PRSS56: variants seen among roughly 807,000 people sequenced by gnomAD.
The protein encoded by PRSS56 is serine protease 56, also known as protease, serine 56.
Under a neutral mutation model 66.8 loss-of-function variants are expected in PRSS56, and 55 were observed. The observed-to-expected ratio is 0.82, with a 90% CI of 0.66 to 1.03. PRSS56 has a LOEUF of 1.03. Among genes scored for constraint, PRSS56 ranks in the 50% least tolerant of loss-of-function variants. The pLI is 0.00. For synonymous variants in PRSS56, 409 were observed against 387.9 expected, an observed-to-expected ratio of 1.05 and a Z score of -0.64; for missense variants, 869 against 837.2, an observed-to-expected ratio of 1.04 and a Z score of -0.47.
Position 232,522,049 on chromosome 2 carries a change from C to G in PRSS56, c.335C>G (p.Pro112Arg). 6.7e-7 allele frequency: 1 copy of G among 1,489,768 alleles called. No homozygotes were observed. The highest frequency in any genetic ancestry group is 2.6e-5 in the East Asian group (1 of 38,706). The allele number at this position is 1,489,768 out of a possible 1,614,324, so 92.3% of individuals were successfully genotyped here. Residue 112 changes from proline to arginine, a missense_variant, in exon 4 of 13, where the codon CCG becomes CGG. Physicochemically the swap from Pro to Arg is moderately radical, Grantham distance 103 (BLOSUM62 -2). This residue lies in a region of PRSS56 where 315 missense variants were observed against 313.7 expected (regional missense o/e 1.00). Transcript: ENST00000617714. ...HGRIVGGSAA[P>R]PGAWPWLVRL... ...CGCATCGTGGGGGGCAGCGCGGCGC[C>G]GCCCGGGGCCTGGCCCTGGCTGGTG...
Position 232,523,115 on chromosome 2 carries a change from C to T in PRSS56, c.762C>T (p.Asp254=). 2.0e-6 allele frequency: 3 copies of T among 1,534,958 alleles called. No individual in the cohort carries two copies. Among genetic ancestry groups the T allele is most frequent in the Non-Finnish European group, 1.7e-6 (2 of 1,146,266 alleles). Reference sequence around the variant, plus strand: ...CCCGTGTTCCCCTGCTCAGCACCGACACCTGCCGAAGAGCCCTGGGGCCCG... The same window carrying T: ...CCCGTGTTCCCCTGCTCAGCACCGATACCTGCCGAAGAGCCCTGGGGCCCG... ...REARVPLLST[D]TCRRALGPGL... The change falls in exon 7 of 13, where the codon GAC becomes GAT. Residue 254 remains aspartate (D), a synonymous_variant. Coordinates refer to ENST00000617714, the MANE Select transcript of PRSS56 (RefSeq NM_001195129.2).
intron 11 of PRSS56, 124 bp downstream of exon 11, chr2:232,524,493 C>T: frequency 2.2e-6 from 2 of 918,510 alleles, no homozygotes. Flanking sequence ...GACTCGTTCT[C>T]CCCTCCCCGC....
In PRSS56 at chr2:232,522,760, GCCCGGGGGGATCGGCGCGC is replaced by G; in HGVS notation, c.610_628del (p.Gly204CysfsTer34). ...CTGGTGCAGCTGTGGACGCCGGTGA[GCCCGGGGGGATCGGCGCGC>G]CCCGTGTGCCTGCCCCAGGAGCCCC... On this transcript the variant is annotated frameshift_variant, in exon 6 of 13. Coordinates refer to ENST00000617714, the MANE Select transcript of PRSS56 (RefSeq NM_001195129.2). LOFTEE classifies it high-confidence loss of function. The G allele has an allele frequency of 2.6e-6, 4 of 1,528,354 alleles. No homozygotes were observed. The highest frequency in any genetic ancestry group is 3.5e-6 in the Non-Finnish European group (4 of 1,141,412). 94.7% of individuals were successfully genotyped at this position (1,528,354 alleles called of 1,614,324 possible). A position where few individuals can be genotyped will look rare whatever the true frequency, so the allele number is the denominator to read the frequency against.
chr2:232,523,149 C>T lies in PRSS56; in HGVS notation c.796C>T (p.Pro266Ser). 3 of 1,526,400 alleles carry T rather than the reference C, an allele frequency of 2.0e-6. No homozygotes were observed. Among genetic ancestry groups the T allele is most frequent in the Non-Finnish European group, 2.6e-6 (3 of 1,141,606 alleles). 94.6% of individuals were successfully genotyped at this position (1,526,400 alleles called of 1,614,324 possible). ...CRRALGPGLR[P>S]STMLCAGYLA... The stretch of plus-strand genomic sequence containing the variant: ...AAGAGCCCTGGGGCCCGGGCTGCGC[C>T]CCAGCACCATGCTCTGCGCCGGGTA... Residue 266 changes from proline to serine, a missense_variant, in exon 7 of 13, where the codon CCC (proline) becomes TCC (serine). Physicochemically the swap from Pro to Ser is moderately conservative, Grantham distance 74. Coordinates refer to ENST00000617714, the MANE Select transcript of PRSS56 (RefSeq NM_001195129.2).
Position 232,524,219 on chromosome 2 carries a change from C to T in PRSS56, c.1351+16C>T. The stretch of plus-strand genomic sequence containing the variant: ...CTTCACTCAGGTACCCCGCGCCCTC[C>T]AGCCCAGCCCAGCCCTGGCCCGGCC... On this transcript the variant is annotated intron_variant, in intron 10 of 12. Coordinates refer to ENST00000617714, the MANE Select transcript of PRSS56 (RefSeq NM_001195129.2). 6.5e-7 allele frequency: 1 copy of T among 1,533,390 alleles called. No homozygotes were observed. Among genetic ancestry groups the T allele is most frequent in the Non-Finnish European group, 8.7e-7 (1 of 1,145,556 alleles). The allele number at this position is 1,533,390 out of a possible 1,614,324, so 95.0% of individuals were successfully genotyped here.
In PRSS56 at chr2:232,525,445, G is replaced by T; in HGVS notation, c.1751G>T (p.Gly584Val). 6.5e-7 allele frequency: 1 copy of T among 1,529,124 alleles called. No homozygotes were observed. Among genetic ancestry groups the T allele is most frequent in the Non-Finnish European group, 8.8e-7 (1 of 1,142,730 alleles). 94.7% of individuals were successfully genotyped at this position (1,529,124 alleles called of 1,614,324 possible). A position where few individuals can be genotyped will look rare whatever the true frequency, so the allele number is the denominator to read the frequency against. Residue 584 changes from glycine (G) to valine (V), a missense_variant, in exon 13 of 13, where the codon GGG (glycine) becomes GTG (valine). Transcript: ENST00000617714. ...TGGATGGATGTAGGGCAGGGGCCCG[G>T]GCTGGAGAGGAAGGGGCACCACCCA... is the stretch of plus-strand genomic sequence containing the variant. The part of the protein sequence containing the change: ...GPWMDVGQGP[G>V]LERKGHHPLN...
At position 232,524,713 on chromosome 2, in the gene PRSS56, C is replaced by T. The variant is rs1207138796; in HGVS notation, c.1415-25C>T. The T allele has an allele frequency of 2.0e-6, 3 of 1,482,812 alleles. No individual in the cohort carries two copies. The African/African-American group carries it at 4.2e-5, about 21-fold the overall frequency. The allele number at this position is 1,482,812 out of a possible 1,614,324, so 91.9% of individuals were successfully genotyped here. A position where few individuals can be genotyped will look rare whatever the true frequency, so the allele number is the denominator to read the frequency against. ...TTCCATACCGCAACCGTTCATTATT[C>T]CCGGGGCCTCTCCTCTTCCTCCAGG... On this transcript the variant is annotated intron_variant, in intron 11 of 12. Transcript: ENST00000617714.
chr2:232,520,953 C>T (rs1055889480), intron 1 of PRSS56, among the ~76,000 whole-genome samples: 1 of 152,206 alleles, frequency 6.6e-6, no homozygotes. Context: ...AGAAACGGCC[C>T]GGGGCAGCAC....
At position 232,522,515 on chromosome 2, in the gene PRSS56, C is replaced by T; in HGVS notation, c.447C>T (p.Gly149=). Residue 149 remains glycine (G), a splice_region_variant and synonymous_variant, in exon 5 of 13, where the codon GGC becomes GGT. Transcript: ENST00000617714. Reference sequence around the variant, plus strand: ...GTCTCAGCTGCCGCTCGACCCGCAGCGCCCCGAATGAGCTTCTGTGGACTG... The same window carrying T: ...GTCTCAGCTGCCGCTCGACCCGCAGTGCCCCGAATGAGCTTCTGTGGACTG... The part of the protein sequence containing the change: ...WVLTAAHCFV[G]APNELLWTVT... 1 of 1,528,866 alleles carries T rather than the reference C, an allele frequency of 6.5e-7. No individual in the cohort carries two copies. 94.7% of individuals were successfully genotyped at this position (1,528,866 alleles called of 1,614,324 possible).
rs79343328 is a variant in PRSS56 at position 232,521,774 on chromosome 2, C to T, written c.206-42C>T. 8.4e-4 allele frequency: 1,285 copies of T among 1,529,992 alleles called. 8 individuals carry two copies. The African/African-American group carries it at 0.015, about 18-fold the overall frequency. 94.8% of individuals were successfully genotyped at this position (1,529,992 alleles called of 1,614,324 possible). On this transcript the variant is annotated intron_variant, in intron 2 of 12. Coordinates refer to ENST00000617714, the MANE Select transcript of PRSS56 (RefSeq NM_001195129.2). ...CGGCCCAGCCTGGGGTGAGGACAGG[C>T]GAGAGGGCAGCAGTGAGACTCAAAG... is the stretch of plus-strand genomic sequence containing the variant.
rs969007346 is a variant in PRSS56, at chr2:232,523,543, CAGT to C, written c.978_980del (p.Val327del). 6.5e-7 allele frequency: 1 copy of C among 1,532,090 alleles called. No individual in the cohort carries two copies. The highest frequency in any genetic ancestry group is 1.4e-5 in the African/African-American group (1 of 72,940). 94.9% of individuals were successfully genotyped at this position (1,532,090 alleles called of 1,614,324 possible). A position where few individuals can be genotyped will look rare whatever the true frequency, so the allele number is the denominator to read the frequency against. On this transcript the variant is annotated inframe_deletion, in exon 8 of 13. Coordinates refer to ENST00000617714, the MANE Select transcript of PRSS56 (RefSeq NM_001195129.2). ...AAGCCCGGGGTCTACACCCGCGTGG[CAGT>C]GTTCAAGGACTGGCTCCAGGAGCAG...
In PRSS56 at chr2:232,525,261, G is replaced by A; in HGVS notation, c.1567G>A (p.Ala523Thr). The stretch of plus-strand genomic sequence containing the variant: ...CAAGACACTGACCGGGCTTTTCAGA[G>A]CCTGGGTGCGGGCAGGCTTGGGGGG... ...GSKTLTGLFR[A>T]WVRAGLGGRH... The change falls in exon 13 of 13, where the codon GCC becomes ACC. Residue 523 changes from alanine (A) to threonine (T), a missense_variant. Around this residue, in one of 3 missense-constraint regions of PRSS56, gnomAD observed 551 missense variants for 506.9 expected, o/e 1.09. Coordinates refer to ENST00000617714, the MANE Select transcript of PRSS56 (RefSeq NM_001195129.2). 1 of 1,517,642 alleles carries A rather than the reference G, an allele frequency of 6.6e-7. No individual in the cohort carries two copies. Among genetic ancestry groups the A allele is most frequent in the Non-Finnish European group, 8.8e-7 (1 of 1,136,248 alleles). 94.0% of individuals were successfully genotyped at this position (1,517,642 alleles called of 1,614,324 possible). A position where few individuals can be genotyped will look rare whatever the true frequency, so the allele number is the denominator to read the frequency against.
At position 232,520,457 on chromosome 2, in the gene PRSS56, G is replaced by A; in HGVS notation, c.-142G>A. On this transcript the variant is annotated 5_prime_UTR_variant, in exon 1 of 13. Coordinates refer to ENST00000617714, the MANE Select transcript of PRSS56 (RefSeq NM_001195129.2). ...CGGGTAATTTTGATGTAAGAGAACG[G>A]GGTCAGATGATTTGAGGGACAAGAA... is the stretch of plus-strand genomic sequence containing the variant. The A allele has an allele frequency of 2.8e-6, 2 of 707,134 alleles. No homozygotes were observed. The highest frequency in any genetic ancestry group is 4.1e-5 in the Admixed American group (2 of 48,700). 43.8% of individuals were successfully genotyped at this position (707,134 alleles called of 1,614,324 possible).
At chr2:232,522,666 T>C in intron 5 of PRSS56, 36 bp from the exon 6 acceptor site, 1 of 1,532,448 alleles carries the variant, frequency 6.5e-7, no homozygotes, top group Non-Finnish European at 8.7e-7. Flanking sequence ...CCCCCACCCG[T>C]GCTTCCTTGA....
intron 2 of PRSS56, 117 bp from the exon 3 acceptor site, chr2:232,521,699 G>A: frequency 1.9e-6 from 2 of 1,043,842 alleles, no homozygotes; most frequent in South Asian, 1.5e-5. Context: ...AATAGAACCC[G>A]TGTGGGCTGG....
chr2:232,525,021 G>A lies in PRSS56; in HGVS notation c.1521+177G>A, dbSNP rs1019029298. 1.2e-4 allele frequency among the ~76,000 whole-genome samples: 18 copies of A among 150,646 alleles called. 1 individual carries two copies. The highest frequency in any genetic ancestry group is 4.1e-4 in the African/African-American group (17 of 40,990). ...GAAGGGAGTGGGGCCTGCGGAGTGT[G>A]AGCCAGGCCACTGGGGGTGGTGGTG... On this transcript the variant is annotated intron_variant, in intron 12 of 12. Transcript: ENST00000617714.
chr2:232,522,215 A>T, intron 4 of PRSS56, 55 bp downstream of exon 4: 1 of 1,366,170 alleles, frequency 7.3e-7, no homozygotes. Context: ...TGGGCCCCGC[A>T]CCTGCCGGGT....
At chr2:232,523,394 G>C (rs1006340246) in intron 7 of PRSS56, 22 bp from the exon 8 acceptor site, 3 of 1,434,704 alleles carry the variant, frequency 2.1e-6, no homozygotes, top group Middle Eastern at 3.6e-4. Flanking sequence ...TGAATGCAGC[G>C]TCCTCTCTCT....
rs1210122467 is a variant in PRSS56 at position 232,523,500 on chromosome 2, G to A, written c.934G>A (p.Gly312Ser). ...VLFGVTSWGDGCGEPGKPGVY... is the reference protein window; with the variant it reads ...VLFGVTSWGDSCGEPGKPGVY... ...GTTCGGAGTCACCTCCTGGGGGGAC[G>A]GCTGCGGGGAGCCAGGGAAGCCCGG... Residue 312 changes from glycine to serine, a missense_variant, in exon 8 of 13, where the codon GGC becomes AGC. Coordinates refer to ENST00000617714, the MANE Select transcript of PRSS56 (RefSeq NM_001195129.2). 6.5e-7 allele frequency: 1 copy of A among 1,531,574 alleles called. No homozygotes were observed. The highest frequency in any genetic ancestry group is 8.7e-7 in the Non-Finnish European group (1 of 1,144,932). 94.9% of individuals were successfully genotyped at this position (1,531,574 alleles called of 1,614,324 possible).
Sources: allele counts gnomAD v4.1 joint callset (sites outside exome capture counted in the v4.1 genomes callset), GRCh38; gene constraint gnomAD v4.1.1; regional missense constraint gnomAD v4.1.1; transcripts MANE v1.5; gene names NCBI Gene and HGNC (gene_info 2026-07-23, HGNC 2026-07-21).